Variants in GABBR1 observed in about 807,000 individuals in gnomAD.
The protein encoded by GABBR1 is GABA-B receptor, R1 subunit.
GABBR1 carries 35 observed loss-of-function variants against 117.7 expected under a neutral mutation model. That is an observed-to-expected ratio of 0.30 (90% CI 0.23 to 0.39). The LOEUF (loss-of-function observed/expected upper bound fraction) is 0.39, where lower values mean the gene tolerates loss of function less well. Among genes scored for constraint, GABBR1 ranks in the 10% least tolerant of loss-of-function variants. The pLI is 1.00. For synonymous variants in GABBR1, 442 were observed against 486.6 expected (o/e 0.91, Z 1.21); for missense variants, 709 against 1,241.8 (o/e 0.57, Z 6.45).
In GABBR1 at chr6:29,606,923, C is replaced by G. The variant is rs776477296; in HGVS notation, c.2191G>C (p.Val731Leu). Residue 731 changes from valine (V) to leucine (L), a missense_variant, in exon 18 of 23, where the codon GTG becomes CTG. Physicochemically the swap from Val to Leu is conservative, Grantham distance 32. Around this residue, in one of 9 missense-constraint regions of GABBR1, gnomAD observed 251 missense variants for 445.3 expected, o/e 0.56. Transcript: ENST00000377034. This position sits in a 1 kb window ranked among gnomAD's most constrained non-coding sequence, Gnocchi z 4.5. ...TCAATGGTCCGGTGCAGAGGGTCCA[C>G]GATCTGCCAGATGGCGAGAGTGAGG... Reference protein sequence around the residue: ...DVLTLAIWQIVDPLHRTIETF... With the variant: ...DVLTLAIWQILDPLHRTIETF... 6.2e-7 allele frequency: 1 copy of G among 1,614,184 alleles called. No homozygotes were observed. The highest frequency in any genetic ancestry group is 1.7e-5 in the Admixed American group (1 of 60,032).
At position 29,605,312 on chromosome 6, in the gene GABBR1, C is replaced by T. The variant is rs752306232; in HGVS notation, c.2439+257G>A. ...CATTAACCACAGACAAGCAATTTAA[C>T]GTCTCTGTGTTTCTGTTTCCTCACC... On this transcript the variant is annotated intron_variant, in intron 20 of 22. Coordinates refer to ENST00000377034, the MANE Select transcript of GABBR1 (RefSeq NM_001470.4). This position sits in a 1 kb window ranked among gnomAD's most constrained non-coding sequence, Gnocchi z 4.2. 55 of 564,038 alleles carry T rather than the reference C, an allele frequency of 9.8e-5. No homozygotes were observed. Among genetic ancestry groups the T allele is most frequent in the Non-Finnish European group, 1.5e-4 (48 of 323,220 alleles). The allele number at this position is 564,038 out of a possible 1,614,324, so 34.9% of individuals were successfully genotyped here. A position where few individuals can be genotyped will look rare whatever the true frequency, so the allele number is the denominator to read the frequency against.
chr6:29,616,155 C>T (rs1173946498), intron 11 of GABBR1, among the ~76,000 whole-genome samples: 1 of 151,496 alleles, frequency 6.6e-6, no homozygotes, highest in Non-Finnish European at 1.5e-5. Context: ...GAGCCAAGAT[C>T]GCGCCATTGC....
chr6:29,628,889 A>T (rs1764656241), intron 5 of GABBR1, among the ~76,000 whole-genome samples, 198 bp downstream of exon 5: 1 of 150,736 alleles, frequency 6.6e-6, no homozygotes, highest in Non-Finnish European at 1.5e-5. Flanking sequence ...ACAAGGAGAG[A>T]CCGCAGCCTC....
chr6:29,626,975 T>A (rs1764339729), intron 6 of GABBR1, among the ~76,000 whole-genome samples: 1 of 152,072 alleles, frequency 6.6e-6, no homozygotes, highest in African/African-American at 2.4e-5. Context: ...TGCTGTTTTG[T>A]TAAGATAAAT....
chr6:29,627,575 G>C lies in GABBR1; in HGVS notation c.568C>G (p.Pro190Ala). The C allele has an allele frequency of 6.3e-7, 1 of 1,585,730 alleles. No homozygotes were observed. The highest frequency in any genetic ancestry group is 2.3e-5 in the East Asian group (1 of 42,996). ...GGWPGGQACQ[P>A]AVEMALEDVN... The stretch of plus-strand genomic sequence containing the variant: ...TCCTCCAGCGCCATCTCCACCGCGG[G>C]CTGGCAGGCCTGGCCCCCTGGCCAG... The change falls in exon 6 of 23, where the codon CCC becomes GCC. Residue 190 changes from proline (P) to alanine (A), a missense_variant. By Grantham distance (27) the Pro-to-Ala change is conservative. Coordinates refer to ENST00000377034, the MANE Select transcript of GABBR1 (RefSeq NM_001470.4). This position sits in a 1 kb window ranked among gnomAD's most constrained non-coding sequence, Gnocchi z 4.4.
chr6:29,630,117 T>A lies in GABBR1; in HGVS notation c.475+341A>T, dbSNP rs898054656. ...GAAGAGGGTGATGCATGGAAATTTC[T>A]AAGTTTAGAGAAAGGGAAAATTGGA... On this transcript the variant is annotated intron_variant, in intron 4 of 22. Coordinates refer to ENST00000377034, the MANE Select transcript of GABBR1 (RefSeq NM_001470.4). The surrounding 1 kb of genome is among the most constrained non-coding windows in gnomAD (Gnocchi z 4.9). 1.1e-5 allele frequency: 3 copies of A among 267,230 alleles called. No homozygotes were observed. Among genetic ancestry groups the A allele is most frequent in the Non-Finnish European group, 2.1e-5 (3 of 142,894 alleles). 16.6% of individuals were successfully genotyped at this position (267,230 alleles called of 1,614,324 possible).
rs149013594 is a variant in GABBR1, at chr6:29,612,443, A to T, written c.1630+108T>A. 6.2e-4 allele frequency: 474 copies of T among 761,340 alleles called. 2 individuals carry two copies. The highest frequency in any genetic ancestry group is 3.6e-3 in the Admixed American group (155 of 42,802). 47.2% of individuals were successfully genotyped at this position (761,340 alleles called of 1,614,324 possible). On this transcript the variant is annotated intron_variant, in intron 13 of 22. Transcript: ENST00000377034. ...TTAAAAGAGAAGGGCAGAAGTTGGG[A>T]GGTGCCAGGGCAATCTTGTGATGTC...
rs149567809 is a variant in GABBR1 at position 29,619,028 on chromosome 6, C to T, written c.1323+2073G>A. Among the ~76,000 whole-genome samples the T allele has an allele frequency of 7.2e-5, 11 of 152,308 alleles. No individual in the cohort carries two copies. The East Asian group carries it at 1.9e-3, about 27-fold the overall frequency. ...GATCCCCAGACCAGTACATCTGCAT[C>T]CCCAGGGACTTGCTAGAAATGTCAG... On this transcript the variant is annotated intron_variant, in intron 11 of 22. Coordinates refer to ENST00000377034, the MANE Select transcript of GABBR1 (RefSeq NM_001470.4).
chr6:29,628,476 G>A (rs1470344103), intron 5 of GABBR1, among the ~76,000 whole-genome samples: 1 of 152,112 alleles, frequency 6.6e-6, no homozygotes, highest in African/African-American at 2.4e-5. Context: ...GTTTTGGAGG[G>A]AACGAGTTGG....
At position 29,605,287 on chromosome 6, in the gene GABBR1, C is replaced by T. The variant is rs1761834168; in HGVS notation, c.2439+282G>A. The T allele has an allele frequency of 3.5e-6, 2 of 563,892 alleles. No individual in the cohort carries two copies. Among genetic ancestry groups the T allele is most frequent in the Non-Finnish European group, 6.2e-6 (2 of 322,626 alleles). 34.9% of individuals were successfully genotyped at this position (563,892 alleles called of 1,614,324 possible). On this transcript the variant is annotated intron_variant, in intron 20 of 22. Coordinates refer to ENST00000377034, the MANE Select transcript of GABBR1 (RefSeq NM_001470.4). This position sits in a 1 kb window ranked among gnomAD's most constrained non-coding sequence, Gnocchi z 4.2. ...CAGGAAATGTCAATAGAGTCCAGCC[C>T]ATTAACCACAGACAAGCAATTTAAC...
chr6:29,623,740 G>A lies in GABBR1; in HGVS notation c.792+150C>T. On this transcript the variant is annotated intron_variant, in intron 7 of 22. Transcript: ENST00000377034. The surrounding 1 kb of genome is among the most constrained non-coding windows in gnomAD (Gnocchi z 6.2). Reference sequence around the variant, plus strand: ...CACTGTCAGGCCACTGTTGCTAGGAGGCTGCCTAGCTCAGGTCTGCAGAGG... The same window carrying A: ...CACTGTCAGGCCACTGTTGCTAGGAAGCTGCCTAGCTCAGGTCTGCAGAGG... 5 of 911,182 alleles carry A rather than the reference G, an allele frequency of 5.5e-6. No homozygotes were observed. The highest frequency in any genetic ancestry group is 8.2e-6 in the Non-Finnish European group (5 of 610,526). The allele number at this position is 911,182 out of a possible 1,614,324, so 56.4% of individuals were successfully genotyped here. A position where few individuals can be genotyped will look rare whatever the true frequency, so the allele number is the denominator to read the frequency against.
In GABBR1 at chr6:29,607,430, C is replaced by T. The variant is rs1329471661; in HGVS notation, c.1993-212G>A. ...AACAATTCCTCCCATCCACCCTCTA[C>T]TTCCACACCACCAGGGTGATCTTGC... On this transcript the variant is annotated intron_variant, in intron 16 of 22. Transcript: ENST00000377034. The surrounding 1 kb of genome is among the most constrained non-coding windows in gnomAD (Gnocchi z 5.0). Among the ~76,000 whole-genome samples the T allele has an allele frequency of 6.6e-6, 1 of 152,134 alleles. No individual in the cohort carries two copies. Among genetic ancestry groups the T allele is most frequent in the Non-Finnish European group, 1.5e-5 (1 of 68,024 alleles).
rs764079500 is a variant in GABBR1, at chr6:29,603,321, A to T, written c.*222T>A. ...ACGAACTAAATTGTGAAGAGGTGAT[A>T]CAAAATTACATGAAGCAGTAAGAGA... On this transcript the variant is annotated 3_prime_UTR_variant, in exon 23 of 23. Coordinates refer to ENST00000377034, the MANE Select transcript of GABBR1 (RefSeq NM_001470.4). 2.0e-5 allele frequency: 14 copies of T among 698,980 alleles called. No homozygotes were observed. Among genetic ancestry groups the T allele is most frequent in the South Asian group, 1.0e-4 (7 of 66,712 alleles). 43.3% of individuals were successfully genotyped at this position (698,980 alleles called of 1,614,324 possible). A position where few individuals can be genotyped will look rare whatever the true frequency, so the allele number is the denominator to read the frequency against.
chr6:29,627,496 TG>T lies in GABBR1; in HGVS notation c.646del (p.His216ThrfsTer83). On this transcript the variant is annotated frameshift_variant, in exon 6 of 23. Coordinates refer to ENST00000377034, the MANE Select transcript of GABBR1 (RefSeq NM_001470.4). LOFTEE classifies it high-confidence loss of function. This position sits in a 1 kb window ranked among gnomAD's most constrained non-coding sequence, Gnocchi z 4.4. ...CATGTCCAGGGCTACCTTGCTGTCG[TG>T]GTGGATGAGCTTGAGCTCATAGTCC... ...LPDYELKLIH[H>X]DSKCDPGQAT... is the part of the protein sequence containing the mutation. 8.5e-7 allele frequency: 1 copy of T among 1,175,816 alleles called. No individual in the cohort carries two copies. 72.8% of individuals were successfully genotyped at this position (1,175,816 alleles called of 1,614,324 possible).
Position 29,627,463 on chromosome 6 carries a change from CCCA to C in GABBR1, c.657+20_657+22del. 6.6e-7 allele frequency: 1 copy of C among 1,518,554 alleles called. No homozygotes were observed. Among genetic ancestry groups the C allele is most frequent in the Non-Finnish European group, 9.0e-7 (1 of 1,116,270 alleles). 94.1% of individuals were successfully genotyped at this position (1,518,554 alleles called of 1,614,324 possible). On this transcript the variant is annotated intron_variant, in intron 6 of 22. Coordinates refer to ENST00000377034, the MANE Select transcript of GABBR1 (RefSeq NM_001470.4). The surrounding 1 kb of genome is among the most constrained non-coding windows in gnomAD (Gnocchi z 4.4). ...CTGCCCCGCAAGCCCCCACCTCCCA[CCCA>C]CCCCCATGTCCAGGGCTACCTTGCT...
At position 29,621,904 on chromosome 6, in the gene GABBR1, A is replaced by T; in HGVS notation, c.1066-87T>A. On this transcript the variant is annotated intron_variant, in intron 9 of 22. Coordinates refer to ENST00000377034, the MANE Select transcript of GABBR1 (RefSeq NM_001470.4). The surrounding 1 kb of genome is among the most constrained non-coding windows in gnomAD (Gnocchi z 5.0). Reference sequence around the variant, plus strand: ...GATGTCTTCACAGCTTTGATTTCCCATCCCAAAGTGCTTAGTGCAGGGTAA... The same window carrying T: ...GATGTCTTCACAGCTTTGATTTCCCTTCCCAAAGTGCTTAGTGCAGGGTAA... 7 of 1,382,224 alleles carry T rather than the reference A, an allele frequency of 5.1e-6. No homozygotes were observed. Among genetic ancestry groups the T allele is most frequent in the Non-Finnish European group, 7.2e-6 (7 of 975,092 alleles). The allele number at this position is 1,382,224 out of a possible 1,614,324, so 85.6% of individuals were successfully genotyped here.
intron 6 of GABBR1, among the ~76,000 whole-genome samples, chr6:29,624,956 CA>C (rs1223543365): frequency 6.6e-6 from 1 of 151,766 alleles, no homozygotes; most frequent in African/African-American, 2.4e-5. Flanking sequence ...GGGACACAGA[CA>C]GGGGGCTCAG....
chr6:29,622,521 C>T lies in GABBR1; in HGVS notation c.964-316G>A, dbSNP rs1424954281. 4.8e-5 allele frequency: 18 copies of T among 373,516 alleles called. No individual in the cohort carries two copies. Among genetic ancestry groups the T allele is most frequent in the Middle Eastern group, 7.5e-4 (1 of 1,328 alleles). 23.1% of individuals were successfully genotyped at this position (373,516 alleles called of 1,614,324 possible). A position where few individuals can be genotyped will look rare whatever the true frequency, so the allele number is the denominator to read the frequency against. ...GAAACATAAAGGAACCAGGAAAAGA[C>T]AAGGCAAGGACTGGGACAGACAGCA... On this transcript the variant is annotated intron_variant, in intron 8 of 22. Coordinates refer to ENST00000377034, the MANE Select transcript of GABBR1 (RefSeq NM_001470.4). This position sits in a 1 kb window ranked among gnomAD's most constrained non-coding sequence, Gnocchi z 4.6.
In GABBR1 at chr6:29,632,934, C is replaced by T. The variant is rs1374837279; in HGVS notation, c.-85G>A. Reference sequence around the variant, plus strand: ...GCTCCTCCCCGCTCCCCCCTCCCTTCTCCTCCACCTTTCTCCTCCTCCCGT... The same window carrying T: ...GCTCCTCCCCGCTCCCCCCTCCCTTTTCCTCCACCTTTCTCCTCCTCCCGT... On this transcript the variant is annotated 5_prime_UTR_variant, in exon 1 of 23. Coordinates refer to ENST00000377034, the MANE Select transcript of GABBR1 (RefSeq NM_001470.4). The surrounding 1 kb of genome is among the most constrained non-coding windows in gnomAD (Gnocchi z 5.8). 3 of 209,094 alleles carry T rather than the reference C, an allele frequency of 1.4e-5. No individual in the cohort carries two copies. Among genetic ancestry groups the T allele is most frequent in the Non-Finnish European group, 3.0e-5 (3 of 99,368 alleles). 13.0% of individuals were successfully genotyped at this position (209,094 alleles called of 1,614,324 possible).
Sources: gnomAD v4.1 joint callset for allele counts (sites outside exome capture counted in the v4.1 genomes callset) on GRCh38, gnomAD v4.1.1 for gene constraint, gnomAD v4.1.1 regional missense constraint, Gnocchi (gnomAD v3.1) non-coding constraint, MANE v1.5 for transcripts, NCBI Gene and HGNC (gene_info 2026-07-23, HGNC 2026-07-21) for gene names.